The following CSRP3 variants were observed in gnomAD, a reference collection of about 807,000 sequenced individuals.
CSRP3 encodes the protein cysteine and glycine-rich protein 3.
A neutral mutation model predicts 24.3 loss-of-function variants in CSRP3; 24 were observed. The ratio of observed to expected loss-of-function variants is 0.99; its 90% confidence interval spans 0.71 to 1.39. The LOEUF (loss-of-function observed/expected upper bound fraction) is 1.39, where lower values mean the gene tolerates loss of function less well. Among genes scored for constraint, CSRP3 ranks in the 40% most tolerant of loss-of-function variants. The pLI, the probability that CSRP3 is intolerant of heterozygous loss-of-function variation, is 0.00. For missense variants in CSRP3, 240 were observed against 249.0 expected, an observed-to-expected ratio of 0.96 and a Z score of 0.24; for synonymous variants, 105 against 94.0, an observed-to-expected ratio of 1.12 and a Z score of -0.68.
intron 2 of CSRP3, among the ~76,000 whole-genome samples, chr11:19,188,540 C>T (rs533070754): frequency 6.6e-6 from 1 of 151,496 alleles, no homozygotes; most frequent in South Asian, 2.1e-4. Context: ...TGGAAGCTAG[C>T]ATTAGAACGA....
rs1334262572 is a variant in CSRP3, at chr11:19,186,216, C to A, written c.414G>T (p.Lys138Asn). The A allele has an allele frequency of 6.2e-7, 1 of 1,614,032 alleles. No homozygotes were observed. The highest frequency in any genetic ancestry group is 8.5e-7 in the Non-Finnish European group (1 of 1,180,042). ...YAAEKVMGGG[K>N]PWHKTCFRCA... The stretch of plus-strand genomic sequence containing the variant: ...GTCTGGCTCATACAGAAGGTCTTAC[C>A]TTGCCACCTCCCATAACCTTCTCAG... The change falls in exon 4 of 6, where the codon AAG becomes AAT. Residue 138 changes from lysine to asparagine, a missense_variant and splice_region_variant. Transcript: ENST00000265968.
At chr11:19,197,541 TTCTTTCTTTCTTTC>T (rs1248504648) in intron 1 of CSRP3, among the ~76,000 whole-genome samples, 13 of 138,476 alleles carry the variant, frequency 9.4e-5, no homozygotes, top group South Asian at 2.6e-4. Flanking sequence ...CTTTCTTTCT[TTCTTTCTTTCTTTC>T]TTTCTTTCTT....
intron 2 of CSRP3, among the ~76,000 whole-genome samples, chr11:19,189,261 C>G (rs182956695): frequency 2.6e-5 from 4 of 152,192 alleles, no homozygotes; most frequent in Non-Finnish European, 4.4e-5. Flanking sequence ...TTTAAAGAGG[C>G]AGCCCTGTTT....
chr11:19,188,403 G>T, intron 2 of CSRP3, 99 bp from the exon 3 acceptor site: 1 of 1,301,128 alleles, frequency 7.7e-7, no homozygotes, highest in Non-Finnish European at 1.1e-6. Flanking sequence ...CCAGCATGAG[G>T]GGCCCCTGAG....
chr11:19,183,860 C>T (rs1041709062), intron 5 of CSRP3, among the ~76,000 whole-genome samples: 7 of 152,042 alleles, frequency 4.6e-5, no homozygotes, highest in Admixed American at 2.6e-4. Flanking sequence ...AGGGACCCAG[C>T]GGGAGATAAT....
In CSRP3 at chr11:19,186,368, G is replaced by A. The variant is rs750193078; in HGVS notation, c.282-20C>T. 2 of 1,614,136 alleles carry A rather than the reference G, an allele frequency of 1.2e-6. No individual in the cohort carries two copies. Among genetic ancestry groups the A allele is most frequent in the Non-Finnish European group, 1.7e-6 (2 of 1,179,996 alleles). The stretch of plus-strand genomic sequence containing the variant: ...GGGGACCTGTTGGAAATAGACGAAT[G>A]AATGAAACGTAGATTTCCCTTGGCA... On this transcript the variant is annotated intron_variant, in intron 3 of 5. Coordinates refer to ENST00000265968, the MANE Select transcript of CSRP3 (RefSeq NM_003476.5).
intron 5 of CSRP3, among the ~76,000 whole-genome samples, 178 bp from the exon 6 acceptor site, chr11:19,182,924 A>T (rs1356380564): frequency 6.6e-6 from 1 of 152,210 alleles, no homozygotes; most frequent in Non-Finnish European, 1.5e-5. Flanking sequence ...TGGGAGGCTG[A>T]GGCAGGCAGA....
intron 2 of CSRP3, among the ~76,000 whole-genome samples, chr11:19,190,660 A>G (rs1238330368): frequency 2.0e-5 from 3 of 152,248 alleles, no homozygotes; most frequent in African/African-American, 7.2e-5. Context: ...TCTAGAAGTC[A>G]GGGGAACACT....
Position 19,184,861 on chromosome 11 carries a change from A to G in CSRP3, c.508+91T>C. 5.1e-6 allele frequency: 5 copies of G among 974,678 alleles called. No individual in the cohort carries two copies. The South Asian group carries it at 6.6e-5, about 13-fold the overall frequency. The allele number at this position is 974,678 out of a possible 1,614,324, so 60.4% of individuals were successfully genotyped here. Reference sequence around the variant, plus strand: ...TGAGCAGCCATACCTCCTGGAAGACACGGGAAGACCTCCAGGCATGAACGT... The same window carrying G: ...TGAGCAGCCATACCTCCTGGAAGACGCGGGAAGACCTCCAGGCATGAACGT... On this transcript the variant is annotated intron_variant, in intron 5 of 5. Transcript: ENST00000265968.
chr11:19,195,286 G>A (rs1335790493), intron 1 of CSRP3, among the ~76,000 whole-genome samples: 7 of 151,942 alleles, frequency 4.6e-5, no homozygotes, highest in African/African-American at 1.7e-4. Flanking sequence ...AGACTTTCAG[G>A]GCTGGAATAG....
intron 2 of CSRP3, among the ~76,000 whole-genome samples, chr11:19,188,573 A>G (rs12271901): frequency 2.2e-3 from 329 of 150,942 alleles, no homozygotes; most frequent in African/African-American, 7.6e-3. Flanking sequence ...CAGACCTGCT[A>G]AGGACTGCAT....
chr11:19,189,791 A>G (rs1313718497), intron 2 of CSRP3, among the ~76,000 whole-genome samples: 1 of 152,244 alleles, frequency 6.6e-6, no homozygotes, highest in Non-Finnish European at 1.5e-5. Flanking sequence ...AGTAAATAAA[A>G]TAATTGGAAG....
At chr11:19,194,325 C>G (rs561704516) in intron 1 of CSRP3, among the ~76,000 whole-genome samples, 12 of 152,282 alleles carry the variant, frequency 7.9e-5, no homozygotes, top group African/African-American at 2.9e-4. Context: ...CCTATCCTTC[C>G]TCTCACAGAA....
chr11:19,189,924 A>C (rs1003129406), intron 2 of CSRP3, among the ~76,000 whole-genome samples: 5 of 152,168 alleles, frequency 3.3e-5, no homozygotes, highest in African/African-American at 9.7e-5. Context: ...ACTTGTCTCT[A>C]CCCTTCTTGT....
Position 19,192,373 on chromosome 11 carries a change from T to C in CSRP3, c.76A>G (p.Asn26Asp), listed in dbSNP as rs1408098337. 4 of 1,614,214 alleles carry C rather than the reference T, an allele frequency of 2.5e-6. No homozygotes were observed. The highest frequency in any genetic ancestry group is 1.1e-5 in the South Asian group (1 of 91,084). The change falls in exon 2 of 6, where the codon AAT becomes GAT. Residue 26 changes from asparagine (N) to aspartate (D), a missense_variant. By Grantham distance (23) the Asn-to-Asp change is conservative (BLOSUM62 1). Coordinates refer to ENST00000265968, the MANE Select transcript of CSRP3 (RefSeq NM_003476.5). ...CACGTCTTGTGGAAACTCCTTCCAT[T>C]GCACTGGATTTCTTCTGCATGGTAG... ...TVYHAEEIQC[N>D]GRSFHKTCFH... is the part of the protein sequence containing the mutation.
chr11:19,193,156 C>T (rs1390270726), intron 1 of CSRP3, among the ~76,000 whole-genome samples: 2 of 152,208 alleles, frequency 1.3e-5, no homozygotes, highest in Non-Finnish European at 2.9e-5. Context: ...GATATATTGG[C>T]ACTACACTAG....
chr11:19,184,936 C>CTCCAGAA lies in CSRP3; in HGVS notation c.508+9_508+15dup, dbSNP rs1850500120. On this transcript the variant is annotated intron_variant, in intron 5 of 5. Coordinates refer to ENST00000265968, the MANE Select transcript of CSRP3 (RefSeq NM_003476.5). Reference sequence around the variant, plus strand: ...TAGGGAAAACATATTTCAAGAAAGTCTCCAGAATCACTCACCTTTGCAATA... The same window carrying CTCCAGAA: ...TAGGGAAAACATATTTCAAGAAAGTCTCCAGAATCCAGAATCACTCACCTTTGCAATA... 3.8e-6 allele frequency: 6 copies of CTCCAGAA among 1,586,892 alleles called. No individual in the cohort carries two copies. Among genetic ancestry groups the CTCCAGAA allele is most frequent in the Non-Finnish European group, 5.2e-6 (6 of 1,154,942 alleles).
rs1256408895 is a variant in CSRP3, at chr11:19,186,134, A to G, written c.414+82T>C. The G allele has an allele frequency of 1.6e-5, 26 of 1,576,192 alleles. No homozygotes were observed. The East Asian group carries it at 5.1e-4, about 31-fold the overall frequency. ...GCTAGAGAGAATGACAGCTGCTTGC[A>G]GCTCCCAATTTTTCTCTCATTCCTC... On this transcript the variant is annotated intron_variant, in intron 4 of 5. Coordinates refer to ENST00000265968, the MANE Select transcript of CSRP3 (RefSeq NM_003476.5).
At chr11:19,191,664 A>ATTT (rs1183595963) in intron 2 of CSRP3, among the ~76,000 whole-genome samples, 5 of 152,216 alleles carry the variant, frequency 3.3e-5, no homozygotes, top group African/African-American at 1.2e-4. Context: ...ATCGAAAGTC[A>ATTT]CGTGAGTCAG....
Sources: gnomAD v4.1 joint callset for allele counts (sites outside exome capture counted in the v4.1 genomes callset) on GRCh38, gnomAD v4.1.1 for gene constraint, MANE v1.5 for transcripts, NCBI Gene and HGNC (gene_info 2026-07-23, HGNC 2026-07-21) for gene names.